The following POLR1C variants were observed in gnomAD, a reference collection of about 807,000 sequenced individuals.
The protein encoded by POLR1C is DNA-directed RNA polymerases I and III subunit RPAC1.
POLR1C carries 42 observed loss-of-function variants against 38.3 expected under a neutral mutation model. The ratio of observed to expected loss-of-function variants is 1.10; its 90% CI spans 0.86 to 1.42. POLR1C has a LOEUF of 1.42. Ranked by LOEUF, POLR1C falls within the 40% of genes most tolerant of loss-of-function variation. The pLI, the probability that POLR1C is intolerant of heterozygous loss-of-function variation, is 0.00. For missense variants in POLR1C, 507 were observed against 450.5 expected, an observed-to-expected ratio of 1.13 and a Z score of -1.14; for synonymous variants, 163 against 163.9, an observed-to-expected ratio of 0.99 and a Z score of 0.04.
chr6:43,532,743 CAG>C, downstream of POLR1C, among the ~76,000 whole-genome samples: 1 of 152,326 alleles, frequency 6.6e-6, no homozygotes, highest in South Asian at 2.1e-4. Flanking sequence ...GATAAACACT[CAG>C]AGCCCTGCCA....
downstream of POLR1C, chr6:43,530,818 A>G (rs1582200671): frequency 2.5e-6 from 4 of 1,611,912 alleles, no homozygotes; most frequent in Middle Eastern, 1.7e-4. Flanking sequence ...TCCCTAGGAT[A>G]TGAAAACTGT....
At chr6:43,535,465 C>T (rs112427534) in intron 9 of POLR1C, among the ~76,000 whole-genome samples, 5,012 of 151,972 alleles carry the variant, frequency 0.033, 266 homozygotes, top group African/African-American at 0.11. Flanking sequence ...TGGTGGGTGC[C>T]GGGCATGGTA....
downstream of POLR1C, among the ~76,000 whole-genome samples, chr6:43,521,773 C>A (rs185897002): frequency 5.0e-3 from 757 of 152,290 alleles, 9 homozygotes; most frequent in African/African-American, 0.017. Flanking sequence ...TCAAGTGATA[C>A]GCCTGCCTTG....
chr6:43,535,359 G>A (rs1429354942), intron 9 of POLR1C, among the ~76,000 whole-genome samples: 1 of 152,060 alleles, frequency 6.6e-6, no homozygotes, highest in Non-Finnish European at 1.5e-5. Context: ...GGAGGCCGAG[G>A]TGGGTGGATC....
intron 9 of POLR1C, among the ~76,000 whole-genome samples, chr6:43,550,523 C>T (rs1160033152): frequency 1.3e-5 from 2 of 152,208 alleles, no homozygotes; most frequent in African/African-American, 4.8e-5. Context: ...TGGTGATTCA[C>T]TAGGTTCCTC....
intron 8 of POLR1C, chr6:43,528,068 T>C: frequency 1.5e-6 from 2 of 1,317,656 alleles, no homozygotes; most frequent in South Asian, 1.3e-5. Context: ...TCTTCTACCC[T>C]GGGACAGCAG....
At chr6:43,546,283 A>G (rs1794961025) in intron 9 of POLR1C, among the ~76,000 whole-genome samples, 1 of 152,244 alleles carries the variant, frequency 6.6e-6, no homozygotes, top group Non-Finnish European at 1.5e-5. Context: ...ACTTACAAGT[A>G]AAAATAGGGA....
downstream of POLR1C, chr6:43,522,793 C>A: frequency 2.4e-6 from 1 of 424,234 alleles, no homozygotes; most frequent in African/African-American, 2.0e-5. Flanking sequence ...TGGATTAACT[C>A]TGCCTTACGG....
At position 43,520,085 on chromosome 6, in the gene POLR1C, G is replaced by T; in HGVS notation, c.402G>T (p.Glu134Asp). The T allele has an allele frequency of 1.2e-6, 2 of 1,614,190 alleles. No homozygotes were observed. The highest frequency in any genetic ancestry group is 1.7e-6 in the Non-Finnish European group (2 of 1,180,014). ...GTGCAGGAGATGAAGAAGGCACAGA[G>T]ATAGATACTCTACAGTTTCGTCTCC... ...YRNQGDEEGT[E>D]IDTLQFRLQV... is the part of the protein sequence containing the mutation. Residue 134 changes from glutamate (E) to aspartate (D), a missense_variant, in exon 5 of 9, where the codon GAG becomes GAT. Glu to Asp is a conservative substitution (Grantham distance 45, BLOSUM62 2). Coordinates refer to ENST00000642195, the MANE Select transcript of POLR1C (RefSeq NM_203290.4).
At position 43,558,120 on chromosome 6, in the gene POLR1C, A is replaced by G. The variant is rs566496356; in HGVS notation, c.*49-3280A>G. Among the ~76,000 whole-genome samples the G allele has an allele frequency of 7.2e-5, 11 of 152,202 alleles. No homozygotes were observed. In the South Asian group the frequency reaches 2.3e-3, roughly 32 times the overall value. ...CAAAAAAAAAAACAAACAAAAAGGA[A>G]ATAAGGCACAGAAAACACAGAACAG... On this transcript the variant is annotated intron_variant, in intron 10 of 10. Coordinates refer to the POLR1C transcript ENST00000607635.
At chr6:43,546,034 C>T (rs1056378668) in intron 9 of POLR1C, among the ~76,000 whole-genome samples, 1 of 152,106 alleles carries the variant, frequency 6.6e-6, no homozygotes, top group South Asian at 2.1e-4. Flanking sequence ...GATGCTAATG[C>T]TACTGGTCTT....
downstream of POLR1C, chr6:43,523,865 G>A (rs1582188878): frequency 2.5e-6 from 4 of 1,613,884 alleles, no homozygotes; most frequent in Admixed American, 1.7e-5. Context: ...CCAAAAGCTT[G>A]ATTCAGGGTT....
downstream of POLR1C, among the ~76,000 whole-genome samples, chr6:43,533,110 G>A (rs1195765328): frequency 1.3e-5 from 2 of 152,062 alleles, no homozygotes; most frequent in Non-Finnish European, 2.9e-5. Flanking sequence ...ACACCAGCCT[G>A]GGTGACAGAG....
At chr6:43,528,806 C>A (rs771432017) in intron 8 of POLR1C, 2 of 1,608,900 alleles carry the variant, frequency 1.2e-6, no homozygotes, top group Admixed American at 3.4e-5. Flanking sequence ...TCTTTGCTTC[C>A]TGTTCCTGAC....
chr6:43,535,582 C>G (rs9472071), intron 9 of POLR1C, among the ~76,000 whole-genome samples: 1 of 151,800 alleles, frequency 6.6e-6, no homozygotes, highest in Admixed American at 6.6e-5. Flanking sequence ...AGGCCGGGCG[C>G]GGTGGATCAC....
At chr6:43,558,801 T>A (rs1015903754) in intron 10 of POLR1C, 1 of 454,062 alleles carries the variant, frequency 2.2e-6, no homozygotes, top group Non-Finnish European at 3.9e-6. Flanking sequence ...AGAATACTTT[T>A]AGTTGATACC....
In POLR1C at chr6:43,538,542, T is replaced by C. The variant is rs73426766; in HGVS notation, c.*4+9183T>C. Among the ~76,000 whole-genome samples, 835 of 152,268 alleles carry C rather than the reference T, an allele frequency of 5.5e-3. 9 individuals are homozygous for C. Among genetic ancestry groups the C allele is most frequent in the African/African-American group, 0.019 (774 of 41,530 alleles). Reference sequence around the variant, plus strand: ...ACATTCGGTGATATTTGAATACTGATTGTATACTGGATATTGAATTACTGG... The same window carrying C: ...ACATTCGGTGATATTTGAATACTGACTGTATACTGGATATTGAATTACTGG... On this transcript the variant is annotated intron_variant, in intron 9 of 10. Transcript: ENST00000607635.
At position 43,520,653 on chromosome 6, in the gene POLR1C, G is replaced by A. The variant is rs762491554; in HGVS notation, c.684G>A (p.Val228=). 6.8e-6 allele frequency: 11 copies of A among 1,614,060 alleles called. No homozygotes were observed. The highest frequency in any genetic ancestry group is 9.3e-6 in the Non-Finnish European group (11 of 1,180,046). ...AAGATCATGCCAAGTTTTCACCAGT[G>A]GCAACAGCCAGTTACAGGCTCCTGC... The part of the protein sequence containing the change: ...IGKDHAKFSP[V]ATASYRLLPD... The change falls in exon 7 of 9, where the codon GTG becomes GTA. Residue 228 remains valine, a synonymous_variant. Coordinates refer to ENST00000642195, the MANE Select transcript of POLR1C (RefSeq NM_203290.4).
chr6:43,545,663 C>T (rs9462903), intron 9 of POLR1C, among the ~76,000 whole-genome samples: 358 of 152,096 alleles, frequency 2.4e-3, no homozygotes, highest in African/African-American at 7.6e-3. Flanking sequence ...GCCAAGATTG[C>T]ACCACTGCAC....
Sources: allele counts gnomAD v4.1 joint callset (sites outside exome capture counted in the v4.1 genomes callset), GRCh38; gene constraint gnomAD v4.1.1; transcripts MANE v1.5; gene names NCBI Gene and HGNC (gene_info 2026-07-23, HGNC 2026-07-21).